Variants in EIF4G3 observed in about 807,000 individuals in gnomAD.
EIF4G3 encodes the protein eukaryotic translation initiation factor 4 gamma 3, also known as eIF-4-gamma 3.
Under a neutral mutation model 186.4 loss-of-function variants are expected in EIF4G3, and 34 were observed. The ratio of observed to expected loss-of-function variants is 0.18; its 90% CI spans 0.14 to 0.24. The LOEUF (loss-of-function observed/expected upper bound fraction) is 0.24, where lower values mean the gene tolerates loss of function less well. Ranked by LOEUF, EIF4G3 falls within the 10% of genes least tolerant of loss-of-function variation. The probability of loss-of-function intolerance (pLI) is 1.00; values close to 1 mark genes in which losing one functional copy is unlikely to be tolerated. For synonymous variants in EIF4G3, 673 were observed against 679.5 expected (o/e 0.99, Z 0.15); for missense variants, 1,536 against 1,948.5 (o/e 0.79, Z 3.99).
At chr1:20,948,233 AT>A (rs1404763201) in intron 13 of EIF4G3, among the ~76,000 whole-genome samples, 2 of 152,192 alleles carry the variant, frequency 1.3e-5, no homozygotes, top group South Asian at 4.1e-4. Flanking sequence ...AACATTCCGA[AT>A]TTTGACTCAA....
chr1:21,007,538 CA>C (rs975672856), intron 4 of EIF4G3, among the ~76,000 whole-genome samples: 1 of 58,488 alleles, frequency 1.7e-5, no homozygotes. Context: ...AAAAAAAAAA[CA>C]CACTCAAAAA....
chr1:21,174,080 G>T (rs2317290), intron 2 of EIF4G3, among the ~76,000 whole-genome samples: 4,988 of 152,220 alleles, frequency 0.033, 272 homozygotes, highest in African/African-American at 0.11. Context: ...AACAATAAGA[G>T]CTGTGAAACA....
Position 20,941,812 on chromosome 1 carries a change from T to C in EIF4G3, c.1342A>G (p.Asn448Asp). ...PLTLELEILE[N>D]PPEEMKLECI... ...TCCAGTTTCATTTCTTCTGGGGGAT[T>C]TTCGAGAATCTCCAATTCAAGAGTC... Residue 448 changes from asparagine (N) to aspartate (D), a missense_variant, in exon 14 of 37, where the codon AAT (asparagine) becomes GAT (aspartate). Physicochemically the swap from Asn to Asp is conservative, Grantham distance 23. Around this residue, in one of 11 missense-constraint regions of EIF4G3, gnomAD observed 560 missense variants for 547.8 expected, o/e 1.02. Coordinates refer to ENST00000602326, the MANE Select transcript of EIF4G3 (RefSeq NM_001391906.1). 6.2e-7 allele frequency: 1 copy of C among 1,613,810 alleles called. No homozygotes were observed. The highest frequency in any genetic ancestry group is 8.5e-7 in the Non-Finnish European group (1 of 1,179,880).
chr1:20,864,688 C>A lies in EIF4G3; in HGVS notation c.2794G>T (p.Asp932Tyr), dbSNP rs1354590273. 1 of 1,614,090 alleles carries A rather than the reference C, an allele frequency of 6.2e-7. No individual in the cohort carries two copies. The highest frequency in any genetic ancestry group is 1.3e-5 in the African/African-American group (1 of 75,032). The change falls in exon 22 of 37, where the codon GAT becomes TAT. Residue 932 changes from aspartate to tyrosine, a missense_variant. Asp to Tyr is a radical substitution (Grantham distance 160, BLOSUM62 -3). Around this residue, in one of 11 missense-constraint regions of EIF4G3, gnomAD observed 77 missense variants for 131.6 expected, o/e 0.59. Transcript: ENST00000602326. ...SAPEERTRLH[D>Y]ELEEAKDKAR... ...TTGTCCTTGGCTTCTTCCAGTTCAT[C>A]ATGAAGCCTTGTCCTCTCCTCTGGC...
chr1:21,061,426 G>A (rs2094907260), intron 3 of EIF4G3, among the ~76,000 whole-genome samples: 1 of 152,158 alleles, frequency 6.6e-6, no homozygotes, highest in Admixed American at 6.5e-5. Context: ...ACCACAAGTA[G>A]TTTTAGATGC....
In EIF4G3 at chr1:20,810,241, G is replaced by A. The variant is rs1207258733; in HGVS notation, c.4744+497C>T. 1.3e-5 allele frequency among the ~76,000 whole-genome samples: 2 copies of A among 151,544 alleles called. No homozygotes were observed. The highest frequency in any genetic ancestry group is 2.9e-5 in the Non-Finnish European group (2 of 67,942). Reference sequence around the variant, plus strand: ...ATGCTCTTGGATCACTGTAACCTCCGCCTCCTGGGTTCAAGCGATTCTCCT... The same window carrying A: ...ATGCTCTTGGATCACTGTAACCTCCACCTCCTGGGTTCAAGCGATTCTCCT... On this transcript the variant is annotated intron_variant, in intron 36 of 36. Coordinates refer to ENST00000602326, the MANE Select transcript of EIF4G3 (RefSeq NM_001391906.1). The surrounding 1 kb of genome is among the most constrained non-coding windows in gnomAD (Gnocchi z 4.1).
intron 11 of EIF4G3, among the ~76,000 whole-genome samples, chr1:20,971,051 A>C (rs1377421202): frequency 1.3e-5 from 2 of 152,248 alleles, no homozygotes; most frequent in African/African-American, 4.8e-5. Flanking sequence ...CAATAAGCAC[A>C]AAGTGTGTAT....
At chr1:21,115,173 C>T (rs191237565) in intron 2 of EIF4G3, among the ~76,000 whole-genome samples, 265 of 152,272 alleles carry the variant, frequency 1.7e-3, no homozygotes, top group Middle Eastern at 3.4e-3. Flanking sequence ...TTGGCTAACA[C>T]GTTCCTTGCA....
intron 2 of EIF4G3, among the ~76,000 whole-genome samples, chr1:21,168,283 T>C (rs569231140): frequency 7.8e-4 from 118 of 152,058 alleles, no homozygotes; most frequent in African/African-American, 2.6e-3. Context: ...AGGGCACCTG[T>C]AATCCCAGCT....
intron 2 of EIF4G3, among the ~76,000 whole-genome samples, chr1:21,131,490 A>G (rs1397533043): frequency 2.0e-5 from 3 of 151,930 alleles, no homozygotes; most frequent in South Asian, 2.1e-4. Flanking sequence ...AGATCCAAGA[A>G]GTTTAGAGAA....
chr1:20,845,301 G>A (rs897828903), intron 29 of EIF4G3, among the ~76,000 whole-genome samples: 11 of 152,092 alleles, frequency 7.2e-5, no homozygotes, highest in East Asian at 3.9e-4. Flanking sequence ...TCTCTATTCC[G>A]TTCCACTGGT....
At chr1:20,984,060 A>G (rs532390292) in intron 7 of EIF4G3, among the ~76,000 whole-genome samples, 1 of 152,338 alleles carries the variant, frequency 6.6e-6, no homozygotes, top group African/African-American at 2.4e-5. Flanking sequence ...TAATTTCCTC[A>G]GTAACTTTGA....
rs544148728 is a variant in EIF4G3 at position 21,054,083 on chromosome 1, A to G, written c.-195-3089T>C. ...TCGGATGGTTGCCATGTCTGTGTAGAAAGAGGTAGACATGGGAGACTTTTT... is the reference window on the plus strand; with the variant it reads ...TCGGATGGTTGCCATGTCTGTGTAGGAAGAGGTAGACATGGGAGACTTTTT... On this transcript the variant is annotated intron_variant, in intron 3 of 36. Transcript: ENST00000602326. Among the ~76,000 whole-genome samples the G allele has an allele frequency of 1.4e-4, 22 of 152,242 alleles. No individual in the cohort carries two copies. The South Asian group carries it at 4.1e-3, about 29-fold the overall frequency.
chr1:20,821,570 C>T (rs2062357143), intron 33 of EIF4G3, among the ~76,000 whole-genome samples: 1 of 150,760 alleles, frequency 6.6e-6, no homozygotes, highest in Admixed American at 6.7e-5. Context: ...GTATACTTCT[C>T]TATTATGTAT....
At chr1:20,842,497 A>G (rs997641908) in intron 29 of EIF4G3, among the ~76,000 whole-genome samples, 1 of 152,064 alleles carries the variant, frequency 6.6e-6, no homozygotes, top group Non-Finnish European at 1.5e-5. Context: ...TCTCCCAAGT[A>G]GCTGGGATTA....
intron 8 of EIF4G3, among the ~76,000 whole-genome samples, chr1:20,981,842 CA>C (rs1379926883): frequency 6.6e-6 from 1 of 151,174 alleles, no homozygotes; most frequent in East Asian, 1.9e-4. Flanking sequence ...TAAAGTATAA[CA>C]AAAGGGGTAG....
chr1:21,063,717 TG>T (rs2095064907), intron 3 of EIF4G3, among the ~76,000 whole-genome samples: 4 of 13,632 alleles, frequency 2.9e-4, no homozygotes, highest in South Asian at 7.0e-3. Flanking sequence ...GGGGGGGGGG[TG>T]TTGGGGGGGG....
chr1:20,830,528 G>A (rs2064856648), intron 30 of EIF4G3, among the ~76,000 whole-genome samples: 1 of 152,102 alleles, frequency 6.6e-6, no homozygotes, highest in African/African-American at 2.4e-5. Context: ...AATCTAGCTG[G>A]ACTCCAGGAT....
At chr1:21,123,696 G>C (rs939103512) in intron 2 of EIF4G3, among the ~76,000 whole-genome samples, 1 of 152,130 alleles carries the variant, frequency 6.6e-6, no homozygotes, top group African/African-American at 2.4e-5. Flanking sequence ...ACAAATTGTA[G>C]TGGATAACTT....
Sources: allele counts gnomAD v4.1 joint callset (sites outside exome capture counted in the v4.1 genomes callset), GRCh38; gene constraint gnomAD v4.1.1; regional missense constraint gnomAD v4.1.1; non-coding constraint Gnocchi (gnomAD v3.1); transcripts MANE v1.5; gene names NCBI Gene and HGNC (gene_info 2026-07-23, HGNC 2026-07-21).